Variants in CDH18 observed in about 807,000 individuals in gnomAD.
CDH18 encodes cadherin-18.
A neutral mutation model predicts 67.9 loss-of-function variants in CDH18; 31 were observed. That is an observed-to-expected ratio of 0.46 (90% CI 0.34 to 0.62). The LOEUF (loss-of-function observed/expected upper bound fraction) is 0.62, where lower values mean the gene tolerates loss of function less well. CDH18 is among the 20% of genes least tolerant of loss of function. The pLI, the probability that CDH18 is intolerant of heterozygous loss-of-function variation, is 0.01. For missense variants in CDH18, 890 were observed against 975.5 expected, an observed-to-expected ratio of 0.91 and a Z score of 1.17; for synonymous variants, 362 against 347.2, an observed-to-expected ratio of 1.04 and a Z score of -0.48.
intron 2 of CDH18, among the ~76,000 whole-genome samples, chr5:20,249,713 T>G (rs1486958806): frequency 6.6e-6 from 1 of 152,158 alleles, no homozygotes; most frequent in Admixed American, 6.5e-5. Flanking sequence ...TCTACTTCGC[T>G]AAAAAAATTA....
chr5:20,081,443 C>G (rs1398504352), intron 2 of CDH18, among the ~76,000 whole-genome samples: 4 of 152,116 alleles, frequency 2.6e-5, no homozygotes, highest in African/African-American at 9.7e-5. Context: ...AATCCCTTTA[C>G]TGAATAATTA....
chr5:20,282,448 C>G (rs1211099168), intron 1 of CDH18, among the ~76,000 whole-genome samples: 1 of 151,748 alleles, frequency 6.6e-6, no homozygotes, highest in East Asian at 1.9e-4. Flanking sequence ...TGTCAAAGGC[C>G]TTTTCTGCAT....
intron 5 of CDH18, among the ~76,000 whole-genome samples, chr5:19,668,223 A>T (rs935965483): frequency 3.3e-5 from 5 of 152,080 alleles, no homozygotes; most frequent in African/African-American, 1.2e-4. Context: ...ATGAGACAAT[A>T]TTAAGCTATT....
chr5:20,503,268 GAC>G (rs1754451746), intron 1 of CDH18, among the ~76,000 whole-genome samples: 5 of 149,206 alleles, frequency 3.4e-5, no homozygotes, highest in Non-Finnish European at 5.9e-5. Context: ...TCCCAGCAAT[GAC>G]ACAGTGACTT....
intron 2 of CDH18, among the ~76,000 whole-genome samples, chr5:20,172,710 G>A (rs530139694): frequency 5.3e-5 from 8 of 152,086 alleles, no homozygotes; most frequent in South Asian, 2.1e-4. Context: ...ATCCATTGTC[G>A]GCAGGCATGG....
chr5:19,620,179 T>C (rs990767995), intron 5 of CDH18, among the ~76,000 whole-genome samples: 101 of 152,158 alleles, frequency 6.6e-4, no homozygotes, highest in African/African-American at 2.4e-3. Context: ...CTTCCTACCA[T>C]GAAAATTGAT....
At chr5:20,343,309 C>T (rs1432063963) in intron 1 of CDH18, among the ~76,000 whole-genome samples, 1 of 152,102 alleles carries the variant, frequency 6.6e-6, no homozygotes, top group Non-Finnish European at 1.5e-5. Flanking sequence ...AAACAGAAAA[C>T]TTATAGGTTG....
intron 2 of CDH18, among the ~76,000 whole-genome samples, chr5:20,216,241 G>A (rs1030875536): frequency 2.0e-5 from 3 of 151,948 alleles, no homozygotes; most frequent in African/African-American, 7.2e-5. Flanking sequence ...TAGTGTGACA[G>A]AGACTCAGTG....
chr5:20,025,028 G>T (rs558524608), intron 2 of CDH18, among the ~76,000 whole-genome samples: 2 of 152,246 alleles, frequency 1.3e-5, no homozygotes, highest in African/African-American at 4.8e-5. Context: ...ACCTTTTTTA[G>T]GGGCCATATC....
intron 1 of CDH18, among the ~76,000 whole-genome samples, chr5:20,508,255 T>C (rs1281934914): frequency 6.7e-6 from 1 of 149,384 alleles, no homozygotes; most frequent in Non-Finnish European, 1.5e-5. Context: ...CAAATACTAG[T>C]TGTTTTTATA....
intron 1 of CDH18, among the ~76,000 whole-genome samples, chr5:20,374,879 A>C (rs1329453516): frequency 6.6e-6 from 1 of 152,206 alleles, no homozygotes; most frequent in Non-Finnish European, 1.5e-5. Context: ...GTACCACATT[A>C]AATGTCAAAA....
At chr5:19,575,071 C>A (rs1742102446) in intron 7 of CDH18, among the ~76,000 whole-genome samples, 1 of 152,014 alleles carries the variant, frequency 6.6e-6, no homozygotes, top group African/African-American at 2.4e-5. Context: ...AACCATATCA[C>A]TGATGCTCAT....
intron 11 of CDH18, among the ~76,000 whole-genome samples, chr5:19,486,370 T>A (rs2126625513): frequency 6.6e-6 from 1 of 151,566 alleles, no homozygotes; most frequent in South Asian, 2.1e-4. Context: ...CAACACACCA[T>A]ACACACCAAT....
At chr5:19,710,395 G>A (rs1306167981) in intron 5 of CDH18, among the ~76,000 whole-genome samples, 3 of 152,072 alleles carry the variant, frequency 2.0e-5, no homozygotes, top group Non-Finnish European at 2.9e-5. Flanking sequence ...ACAAAAATGA[G>A]TAATGCAAGG....
chr5:20,471,139 G>T (rs1044671625), intron 1 of CDH18, among the ~76,000 whole-genome samples: 1 of 152,070 alleles, frequency 6.6e-6, no homozygotes, highest in African/African-American at 2.4e-5. Flanking sequence ...TTGTAAGGTT[G>T]CATGTGGGCT....
rs985786484 is a variant in CDH18, at chr5:20,056,683, T to TA, written c.-517-64670_-517-64669insT. 6.9e-5 allele frequency among the ~76,000 whole-genome samples: 9 copies of TA among 130,554 alleles called. No individual in the cohort carries two copies. In the South Asian group the frequency reaches 1.3e-3, roughly 20 times the overall value. 85.6% of individuals were successfully genotyped at this position (130,554 alleles called of 152,430 possible). ...GAGCAGTTGAGTTCTATATTCTCTTTTTTTTTTTTTTTTTTTTTTTGAGAC... is the reference window on the plus strand; with the variant it reads ...GAGCAGTTGAGTTCTATATTCTCTTTATTTTTTTTTTTTTTTTTTTTGAGAC... On this transcript the variant is annotated intron_variant, in intron 2 of 14. Transcript: ENST00000507958.
At chr5:19,787,834 CATGTATATATAAGTATACATGTCTAT>C (rs1420423312) in intron 3 of CDH18, among the ~76,000 whole-genome samples, 1 of 132,966 alleles carries the variant, frequency 7.5e-6, no homozygotes, top group Non-Finnish European at 1.7e-5. Flanking sequence ...TATATGTTTA[CATGTATATATAAGTATACATGTCTAT>C]ATATACTTAT....
intron 9 of CDH18, among the ~76,000 whole-genome samples, chr5:19,536,445 A>G (rs1749435916): frequency 6.6e-6 from 1 of 152,206 alleles, no homozygotes; most frequent in South Asian, 2.1e-4. Context: ...AAAGCGTAAT[A>G]CACATTTTTC....
chr5:20,508,592 C>A (rs1474725515), intron 1 of CDH18, among the ~76,000 whole-genome samples: 1 of 151,328 alleles, frequency 6.6e-6, no homozygotes, highest in Non-Finnish European at 1.5e-5. Flanking sequence ...AATTCATTTA[C>A]CCCAACCTCT....
Sources: allele counts gnomAD v4.1 joint callset (sites outside exome capture counted in the v4.1 genomes callset), GRCh38; gene constraint gnomAD v4.1.1; transcripts MANE v1.5; gene names NCBI Gene and HGNC (gene_info 2026-07-23, HGNC 2026-07-21).